The following NISCH variants were observed in gnomAD, a reference collection of about 807,000 sequenced individuals.
NISCH encodes the protein I-1 receptor candidate protein.
A neutral mutation model predicts 138.4 loss-of-function variants in NISCH; 55 were observed. The observed-to-expected ratio is 0.40, with a 90% CI of 0.32 to 0.50. The LOEUF (loss-of-function observed/expected upper bound fraction) is 0.50. Ranked by LOEUF, NISCH falls within the 20% of genes least tolerant of loss-of-function variation. The pLI, the probability that NISCH is intolerant of heterozygous loss-of-function variation, is 0.71. For synonymous variants in NISCH, 860 were observed against 861.5 expected, an observed-to-expected ratio of 1.00 and a Z score of 0.03; for missense variants, 1,643 against 2,005.5, an observed-to-expected ratio of 0.82 and a Z score of 3.45.
At chr3:52,477,911 C>T (rs1189544495) in intron 9 of NISCH, 186 bp from the exon 10 acceptor site, 1 of 680,934 alleles carries the variant, frequency 1.5e-6, no homozygotes, top group African/African-American at 1.8e-5. Context: ...CAACTGTCTG[C>T]AGGGGTGCCA....
At chr3:52,469,863 C>T (rs1050451428) in intron 3 of NISCH, among the ~76,000 whole-genome samples, 2 of 150,070 alleles carry the variant, frequency 1.3e-5, no homozygotes, top group Non-Finnish European at 1.5e-5. Flanking sequence ...GGCGGTGAGC[C>T]GAGATTACAC....
chr3:52,477,582 C>G lies in NISCH; in HGVS notation c.927C>G (p.Ile309Met), dbSNP rs1707140433. 6.2e-7 allele frequency: 1 copy of G among 1,613,880 alleles called. No homozygotes were observed. The highest frequency in any genetic ancestry group is 1.1e-5 in the South Asian group (1 of 91,054). ...TTCTTTTCTTTCACAAGAAACTGAT[C>G]CCAAAGATTGAGTTCCTGGACCTGA... ...VSEIDESVKL[I>M]PKIEFLDLSH... The change falls in exon 9 of 21, where the codon ATC becomes ATG. Residue 309 changes from isoleucine (I) to methionine (M), a missense_variant. Coordinates refer to ENST00000345716, the MANE Select transcript of NISCH (RefSeq NM_007184.4).
At chr3:52,461,317 G>A (rs1482146567) in intron 3 of NISCH, among the ~76,000 whole-genome samples, 1 of 152,192 alleles carries the variant, frequency 6.6e-6, no homozygotes, top group Non-Finnish European at 1.5e-5. Flanking sequence ...GATCACTAAA[G>A]AGCCTAGAAA....
intron 7 of NISCH, among the ~76,000 whole-genome samples, chr3:52,475,036 A>G (rs1471574865): frequency 6.6e-6 from 1 of 152,160 alleles, no homozygotes; most frequent in Non-Finnish European, 1.5e-5. Flanking sequence ...GTAGTGGCTA[A>G]TATTATGACT....
At chr3:52,486,708 A>C (rs917597849) in intron 15 of NISCH, among the ~76,000 whole-genome samples, 1 of 152,202 alleles carries the variant, frequency 6.6e-6, no homozygotes, top group Non-Finnish European at 1.5e-5. Context: ...ACAGAAGCTT[A>C]CTAACTCCCA....
intron 15 of NISCH, 105 bp downstream of exon 15, chr3:52,485,932 C>A: frequency 1.0e-6 from 1 of 989,844 alleles, no homozygotes; most frequent in Non-Finnish European, 1.6e-6. Context: ...AAAATCCGTT[C>A]ACAGAAGGCC....
intron 17 of NISCH, 68 bp from the exon 18 acceptor site, chr3:52,490,007 G>T: frequency 8.2e-6 from 13 of 1,585,240 alleles, no homozygotes; most frequent in East Asian, 2.2e-5. Flanking sequence ...TGTGGAAGCT[G>T]TGGGCATGTC....
intron 19 of NISCH, among the ~76,000 whole-genome samples, 164 bp downstream of exon 19, chr3:52,490,997 A>G (rs1707546701): frequency 6.6e-6 from 1 of 152,202 alleles, no homozygotes; most frequent in Non-Finnish European, 1.5e-5. Context: ...CTGCTGAGAG[A>G]GCAGAACTCA....
intron 7 of NISCH, among the ~76,000 whole-genome samples, chr3:52,474,213 A>G (rs1233326570): frequency 1.3e-5 from 2 of 152,200 alleles, no homozygotes; most frequent in Non-Finnish European, 2.9e-5. Flanking sequence ...TCCTGGGGTC[A>G]AGCGATTCTC....
intron 10 of NISCH, 81 bp from the exon 11 acceptor site, chr3:52,478,368 A>C: frequency 6.2e-7 from 1 of 1,607,760 alleles, no homozygotes; most frequent in Non-Finnish European, 8.5e-7. Context: ...CCTTTCATTT[A>C]AAAGAGACCA....
rs964360932 is a variant in NISCH at position 52,472,165 on chromosome 3, G to T, written c.574-138G>T. ...GGGGGCGGTCGTGACCCAGTGTCCC[G>T]TTAAATTAAGTCCTGGCCTGAGCCT... is the stretch of plus-strand genomic sequence containing the variant. On this transcript the variant is annotated intron_variant, in intron 5 of 20. Transcript: ENST00000345716. 9.1e-6 allele frequency: 9 copies of T among 990,508 alleles called. No homozygotes were observed. The African/African-American group carries it at 1.4e-4, about 16-fold the overall frequency. The allele number at this position is 990,508 out of a possible 1,614,324, so 61.4% of individuals were successfully genotyped here.
At position 52,488,381 on chromosome 3, in the gene NISCH, G is replaced by A; in HGVS notation, c.2889G>A (p.Arg963=). 1.9e-6 allele frequency: 3 copies of A among 1,613,800 alleles called. No individual in the cohort carries two copies. Among genetic ancestry groups the A allele is most frequent in the Non-Finnish European group, 2.5e-6 (3 of 1,179,986 alleles). The change falls in exon 16 of 21, where the codon CGG becomes CGA. Residue 963 remains arginine (R), a synonymous_variant. Transcript: ENST00000345716. ...CCACACGCAGCTGTACCCAGCCTCG[G>A]GGCGCCTTTGCTGATGGCCACGTGC... ...LDPTRSCTQP[R]GAFADGHVLE...
rs1027266046 is a variant in NISCH at position 52,485,578 on chromosome 3, A to G, written c.1654-200A>G. The stretch of plus-strand genomic sequence containing the variant: ...CCCAGCCCTGCTGTGTGCTGGTGGG[A>G]TAACCAAGTGGGTCTCTGCCCTTGG... On this transcript the variant is annotated intron_variant, in intron 14 of 20. Coordinates refer to ENST00000345716, the MANE Select transcript of NISCH (RefSeq NM_007184.4). Among the ~76,000 whole-genome samples the G allele has an allele frequency of 1.6e-4, 25 of 152,202 alleles. 1 individual carries two copies. The highest frequency in any genetic ancestry group is 6.2e-4 in the South Asian group (3 of 4,826).
At chr3:52,491,042 G>A (rs1707548268) in intron 19 of NISCH, among the ~76,000 whole-genome samples, 1 of 152,372 alleles carries the variant, frequency 6.6e-6, no homozygotes, top group East Asian at 1.9e-4. Context: ...TAGGGTGTGC[G>A]GCAAGCGCTG....
At chr3:52,480,663 C>T (rs1707246249) in intron 13 of NISCH, 9 of 1,422,456 alleles carry the variant, frequency 6.3e-6, no homozygotes, top group South Asian at 1.6e-5. Flanking sequence ...TACAGGAAGC[C>T]GGGCTTGTGA....
intron 3 of NISCH, among the ~76,000 whole-genome samples, chr3:52,460,031 A>G (rs1176845596): frequency 6.6e-6 from 1 of 151,420 alleles, no homozygotes; most frequent in Non-Finnish European, 1.5e-5. Context: ...GAATACAAAA[A>G]TTAGCTGGGT....
intron 8 of NISCH, among the ~76,000 whole-genome samples, chr3:52,476,910 T>A (rs1437743148): frequency 6.6e-6 from 1 of 152,136 alleles, no homozygotes; most frequent in Non-Finnish European, 1.5e-5. Context: ...GGTGCACACC[T>A]GTAATCCCAG....
At chr3:52,472,020 TG>T in intron 5 of NISCH, 43 bp downstream of exon 5, 1 of 1,533,204 alleles carries the variant, frequency 6.5e-7, no homozygotes, top group Non-Finnish European at 8.8e-7. Context: ...CCGCAGTCGG[TG>T]GGGGTGCAAC....
At position 52,455,726 on chromosome 3, in the gene NISCH, A is replaced by C; in HGVS notation, c.85A>C (p.Thr29Pro). 3 of 1,361,520 alleles carry C rather than the reference A, an allele frequency of 2.2e-6. No homozygotes were observed. Among genetic ancestry groups the C allele is most frequent in the Non-Finnish European group, 2.9e-6 (3 of 1,046,324 alleles). 84.3% of individuals were successfully genotyped at this position (1,361,520 alleles called of 1,614,324 possible). A position where few individuals can be genotyped will look rare whatever the true frequency, so the allele number is the denominator to read the frequency against. Residue 29 changes from threonine to proline, a missense_variant, in exon 1 of 21, where the codon ACT becomes CCT. Physicochemically the swap from Thr to Pro is conservative, Grantham distance 38. Coordinates refer to ENST00000345716, the MANE Select transcript of NISCH (RefSeq NM_007184.4). Reference protein sequence around the residue: ...ARVVGSELVDTYTVYIIQVTD... With the variant: ...ARVVGSELVDPYTVYIIQVTD... ...CGTCGTGGGCTCGGAGCTTGTGGAC[A>C]CTTATACGGTGTGTTGGGGGCGCGG...
Sources: allele counts gnomAD v4.1 joint callset (sites outside exome capture counted in the v4.1 genomes callset), GRCh38; gene constraint gnomAD v4.1.1; transcripts MANE v1.5; gene names NCBI Gene and HGNC (gene_info 2026-07-23, HGNC 2026-07-21).